CTNNA3: variants seen among roughly 807,000 people sequenced by gnomAD.
CTNNA3 encodes the protein catenin alpha 3.
A neutral mutation model predicts 95.7 loss-of-function variants in CTNNA3; 76 were observed. The observed-to-expected ratio is 0.79, with a 90% CI of 0.66 to 0.96. The LOEUF is 0.96. Ranked by LOEUF, CTNNA3 falls within the 40% of genes least tolerant of loss-of-function variation. CTNNA3 has a pLI of 0.00. For missense variants in CTNNA3, 1,191 were observed against 1,089.8 expected, an observed-to-expected ratio of 1.09 and a Z score of -1.31; for synonymous variants, 431 against 374.4, an observed-to-expected ratio of 1.15 and a Z score of -1.74.
chr10:66,089,887 C>A (rs1429230169), intron 14 of CTNNA3, among the ~76,000 whole-genome samples: 2 of 151,798 alleles, frequency 1.3e-5, no homozygotes, highest in Admixed American at 6.6e-5. Context: ...GCAAACAAAA[C>A]CAAGCGAGTT....
intron 10 of CTNNA3, among the ~76,000 whole-genome samples, chr10:66,613,903 A>G (rs1344788622): frequency 6.6e-6 from 1 of 152,074 alleles, no homozygotes; most frequent in East Asian, 1.9e-4. Context: ...CATCATCATC[A>G]TCAACAGTAG....
intron 5 of CTNNA3, among the ~76,000 whole-genome samples, chr10:67,382,147 T>C (rs1843973125): frequency 6.6e-6 from 1 of 152,188 alleles, no homozygotes; most frequent in African/African-American, 2.4e-5. Flanking sequence ...AATGGAGGTT[T>C]CTGTCAGCAA....
chr10:65,966,115 T>G (rs1037316551), intron 17 of CTNNA3, among the ~76,000 whole-genome samples: 25 of 152,274 alleles, frequency 1.6e-4, no homozygotes, highest in African/African-American at 5.8e-4. Context: ...CCTCTAAATC[T>G]ATTAAGTTTT....
At chr10:66,316,809 A>G (rs184744129) in intron 12 of CTNNA3, among the ~76,000 whole-genome samples, 32 of 152,262 alleles carry the variant, frequency 2.1e-4, no homozygotes, top group East Asian at 7.7e-4. Context: ...TAAAATTTCA[A>G]TTATCCAGTT....
chr10:67,235,753 G>A (rs1460129920), intron 5 of CTNNA3, among the ~76,000 whole-genome samples: 3 of 144,110 alleles, frequency 2.1e-5, no homozygotes, highest in Non-Finnish European at 1.5e-5. Context: ...GAAAATTTTT[G>A]CAATCTACTC....
intron 10 of CTNNA3, among the ~76,000 whole-genome samples, chr10:66,522,219 G>T (rs1293528596): frequency 6.6e-6 from 1 of 152,052 alleles, no homozygotes; most frequent in Non-Finnish European, 1.5e-5. Context: ...TTGGGGCATT[G>T]TCTCTATGAA....
At chr10:67,330,918 C>T (rs563079846) in intron 5 of CTNNA3, among the ~76,000 whole-genome samples, 1 of 152,274 alleles carries the variant, frequency 6.6e-6, no homozygotes, top group Non-Finnish European at 1.5e-5. Flanking sequence ...CAAAATCCCT[C>T]CCCACTAATC....
chr10:66,536,856 TTCTC>T (rs1340196600), intron 10 of CTNNA3, among the ~76,000 whole-genome samples: 3 of 152,148 alleles, frequency 2.0e-5, no homozygotes, highest in Non-Finnish European at 4.4e-5. Flanking sequence ...ACCTCTCTCT[TTCTC>T]TCTGTCAAAC....
At chr10:66,830,632 C>T (rs1252012823) in intron 7 of CTNNA3, among the ~76,000 whole-genome samples, 1 of 150,650 alleles carries the variant, frequency 6.6e-6, no homozygotes, top group Non-Finnish European at 1.5e-5. Context: ...CTTTTTGAGA[C>T]GGAGTCTAGC....
intron 13 of CTNNA3, among the ~76,000 whole-genome samples, chr10:66,198,433 T>C (rs1432600422): frequency 6.6e-6 from 1 of 152,132 alleles, no homozygotes; most frequent in Non-Finnish European, 1.5e-5. Flanking sequence ...GTAGTCCTTG[T>C]AGCAAAACCA....
chr10:67,635,154 A>C (rs796940743), intron 2 of CTNNA3, among the ~76,000 whole-genome samples: 1 of 152,138 alleles, frequency 6.6e-6, no homozygotes. Context: ...ACCAATAATG[A>C]GTTCTGAAAT....
At chr10:66,871,517 G>A (rs1016622412) in intron 7 of CTNNA3, among the ~76,000 whole-genome samples, 10 of 138,360 alleles carry the variant, frequency 7.2e-5, no homozygotes, top group African/African-American at 1.1e-4. Flanking sequence ...AGCTGAGATC[G>A]CACCACTGCA....
chr10:66,435,352 G>A lies in CTNNA3; in HGVS notation c.1532-56000C>T, dbSNP rs536384549. Among the ~76,000 whole-genome samples the A allele has an allele frequency of 2.6e-5, 4 of 152,030 alleles. No individual in the cohort carries two copies. The East Asian group carries it at 5.8e-4, about 22-fold the overall frequency. On this transcript the variant is annotated intron_variant, in intron 11 of 17. Coordinates refer to ENST00000433211, the MANE Select transcript of CTNNA3 (RefSeq NM_013266.4). ...TTGTTATTGTTCTGTTCAGAGATTC[G>A]ACTTTTTCCTGGTTTAGTCTTGGGA... is the stretch of plus-strand genomic sequence containing the variant.
At chr10:65,990,929 G>T (rs941409091) in intron 15 of CTNNA3, among the ~76,000 whole-genome samples, 4 of 151,948 alleles carry the variant, frequency 2.6e-5, no homozygotes, top group Non-Finnish European at 5.9e-5. Context: ...ATCTTGATTT[G>T]ATTTTTGTAT....
chr10:67,437,819 C>T (rs1019927410), intron 5 of CTNNA3, among the ~76,000 whole-genome samples: 3 of 151,364 alleles, frequency 2.0e-5, no homozygotes, highest in Non-Finnish European at 2.9e-5. Context: ...GTAAAATAAG[C>T]CTATAATTAC....
intron 11 of CTNNA3, among the ~76,000 whole-genome samples, chr10:66,508,134 C>T (rs1840517363): frequency 2.7e-5 from 4 of 149,832 alleles, no homozygotes; most frequent in African/African-American, 9.8e-5. Flanking sequence ...ACAATCTGAT[C>T]CAATCTTTGT....
rs1389471178 is a variant in CTNNA3, at chr10:66,859,933, A to G, written c.1048-84409T>C. Among the ~76,000 whole-genome samples, 53 of 130,434 alleles carry G rather than the reference A, an allele frequency of 4.1e-4. 1 individual carries two copies. Among genetic ancestry groups the G allele is most frequent in the East Asian group, 1.0e-3 (5 of 4,812 alleles). The allele number at this position is 130,434 out of a possible 152,430, so 85.6% of individuals were successfully genotyped here. ...TCGCAAGGACAAAAAACCAAACACC[A>G]CATGTTCTCACTCATAGGTGGGAAC... On this transcript the variant is annotated intron_variant, in intron 7 of 17. Transcript: ENST00000433211.
intron 5 of CTNNA3, among the ~76,000 whole-genome samples, chr10:67,420,863 G>T (rs1298620654): frequency 6.6e-6 from 1 of 152,084 alleles, no homozygotes; most frequent in African/African-American, 2.4e-5. Context: ...AAGTTCAGGG[G>T]TTAATGAGTC....
intron 1 of CTNNA3, among the ~76,000 whole-genome samples, chr10:67,739,409 C>T (rs1401490355): frequency 6.6e-6 from 1 of 152,118 alleles, no homozygotes; most frequent in Admixed American, 6.6e-5. Flanking sequence ...TAGAAAACCC[C>T]ATTGTCTCAG....
Sources: gnomAD v4.1 joint callset for allele counts (sites outside exome capture counted in the v4.1 genomes callset) on GRCh38, gnomAD v4.1.1 for gene constraint, MANE v1.5 for transcripts, NCBI Gene and HGNC (gene_info 2026-07-23, HGNC 2026-07-21) for gene names.